CPLX1: variants seen among roughly 807,000 people sequenced by gnomAD.
CPLX1 encodes the protein complexin-1.
A neutral mutation model predicts 15.6 loss-of-function variants in CPLX1; 6 were observed. The ratio of observed to expected loss-of-function variants is 0.39; its 90% CI spans 0.21 to 0.76. The LOEUF is 0.76. Among genes scored for constraint, CPLX1 ranks in the 30% least tolerant of loss-of-function variants. CPLX1 has a pLI of 0.43. For synonymous variants in CPLX1, 91 were observed against 75.2 expected, an observed-to-expected ratio of 1.21 and a Z score of -1.08; for missense variants, 242 against 188.6, an observed-to-expected ratio of 1.28 and a Z score of -1.66.
At chr4:797,655 C>T (rs935874539) in intron 2 of CPLX1, among the ~76,000 whole-genome samples, 5 of 143,380 alleles carry the variant, frequency 3.5e-5, no homozygotes, top group Non-Finnish European at 6.1e-5. Flanking sequence ...TACTGTAGGC[C>T]GGGCGCGGTG....
intron 3 of CPLX1, chr4:788,551 C>G: frequency 6.1e-6 from 6 of 985,508 alleles, no homozygotes; most frequent in Non-Finnish European, 7.2e-6. Context: ...CTCCGCACAA[C>G]AGGGGCGACA....
intron 2 of CPLX1, among the ~76,000 whole-genome samples, chr4:808,889 T>C (rs1368677971): frequency 6.6e-6 from 1 of 152,242 alleles, no homozygotes; most frequent in African/African-American, 2.4e-5. Context: ...TCCAATGATA[T>C]TTAGAATGTT....
intron 2 of CPLX1, among the ~76,000 whole-genome samples, chr4:800,526 GTATA>G (rs1746429799): frequency 7.4e-6 from 1 of 134,958 alleles, no homozygotes; most frequent in Non-Finnish European, 1.5e-5. Context: ...ACATATATGT[GTATA>G]TACATACACA....
chr4:815,162 G>A (rs1746728375), intron 2 of CPLX1, among the ~76,000 whole-genome samples: 1 of 152,224 alleles, frequency 6.6e-6, no homozygotes. Context: ...TGTAATCCCA[G>A]CACTTTGGGA....
At position 787,807 on chromosome 4, in the gene CPLX1, G is replaced by A. The variant is rs143189417; in HGVS notation, c.208-1109C>T. ...GCCCTCCCGTGAGCCACCAGCCCAGGAAGCCTGTGGTCATGGTCAGGCCAC... is the reference window on the plus strand; with the variant it reads ...GCCCTCCCGTGAGCCACCAGCCCAGAAAGCCTGTGGTCATGGTCAGGCCAC... On this transcript the variant is annotated intron_variant, in intron 3 of 3. Coordinates refer to ENST00000304062, the MANE Select transcript of CPLX1 (RefSeq NM_006651.4). 347 of 985,372 alleles carry A rather than the reference G, an allele frequency of 3.5e-4. 1 individual carries two copies. The African/African-American group carries it at 5.3e-3, about 15-fold the overall frequency. 61.0% of individuals were successfully genotyped at this position (985,372 alleles called of 1,614,324 possible). A position where few individuals can be genotyped will look rare whatever the true frequency, so the allele number is the denominator to read the frequency against.
intron 2 of CPLX1, among the ~76,000 whole-genome samples, chr4:822,699 T>A (rs989610868): frequency 1.3e-5 from 2 of 152,200 alleles, no homozygotes; most frequent in Admixed American, 6.5e-5. Context: ...TGTCGTGCTG[T>A]CTGGAGGTTC....
At chr4:788,084 C>A (rs1577467060) in intron 3 of CPLX1, 1 of 985,424 alleles carries the variant, frequency 1.0e-6, no homozygotes, top group Admixed American at 6.1e-5. Flanking sequence ...GAGGAGCACA[C>A]CGCGGGATCA....
In CPLX1 at chr4:797,486, CCTAA is replaced by C. The variant is rs374055094; in HGVS notation, c.32-4882_32-4879del. Reference sequence around the variant, plus strand: ...AGGATTACAGGCGTCTGCCACCATGCCTAACTAATATTTGTATTTTTAATAGAGA... The same window carrying C: ...AGGATTACAGGCGTCTGCCACCATGCCTAATATTTGTATTTTTAATAGAGA... On this transcript the variant is annotated intron_variant, in intron 2 of 3. Coordinates refer to ENST00000304062, the MANE Select transcript of CPLX1 (RefSeq NM_006651.4). Among the ~76,000 whole-genome samples, 45 of 152,286 alleles carry C rather than the reference CCTAA, an allele frequency of 3.0e-4. 1 individual carries two copies. Among genetic ancestry groups the C allele is most frequent in the South Asian group, 2.7e-3 (13 of 4,832 alleles).
Position 786,233 on chromosome 4 carries a change from G to A in CPLX1, c.*268C>T, listed in dbSNP as rs1745981946. The A allele has an allele frequency of 3.3e-6, 1 of 302,462 alleles. No homozygotes were observed. The allele number at this position is 302,462 out of a possible 1,614,324, so 18.7% of individuals were successfully genotyped here. A position where few individuals can be genotyped will look rare whatever the true frequency, so the allele number is the denominator to read the frequency against. On this transcript the variant is annotated 3_prime_UTR_variant, in exon 4 of 4. Transcript: ENST00000304062. ...GCGGCCCTGGCCTCGGGCGCTGCTG[G>A]GTGGGCGGTAAACAGCAAGAGAAAG...
intron 3 of CPLX1, among the ~76,000 whole-genome samples, chr4:789,006 A>G (rs529475891): frequency 2.0e-5 from 3 of 152,326 alleles, no homozygotes; most frequent in African/African-American, 4.8e-5. Context: ...GGGCCCAGGA[A>G]GGAGACCCCA....
intron 2 of CPLX1, among the ~76,000 whole-genome samples, chr4:811,007 C>T (rs1372866303): frequency 6.6e-6 from 1 of 150,880 alleles, no homozygotes; most frequent in Admixed American, 6.6e-5. Context: ...TCTAATTTCC[C>T]TTTTTTATAA....
At chr4:797,002 G>T (rs2152644429) in intron 2 of CPLX1, among the ~76,000 whole-genome samples, 1 of 152,318 alleles carries the variant, frequency 6.6e-6, no homozygotes, top group Middle Eastern at 3.4e-3. Flanking sequence ...TGGAGGCTCA[G>T]GACCCTGGAG....
intron 2 of CPLX1, among the ~76,000 whole-genome samples, chr4:823,027 A>C (rs1053701458): frequency 1.3e-5 from 2 of 152,196 alleles, no homozygotes; most frequent in African/African-American, 4.8e-5. Context: ...CCATGAAACA[A>C]AAAGGGAATT....
At chr4:795,252 C>T (rs1224141576) in intron 2 of CPLX1, among the ~76,000 whole-genome samples, 1 of 152,260 alleles carries the variant, frequency 6.6e-6, no homozygotes, top group Non-Finnish European at 1.5e-5. Context: ...CACAGAAACC[C>T]AAAGTGCCAT....
At chr4:787,683 T>C (rs1376239360) in intron 3 of CPLX1, 1 of 984,744 alleles carries the variant, frequency 1.0e-6, no homozygotes, top group Non-Finnish European at 1.2e-6. Context: ...AGAGGGAGTG[T>C]GGGATTTTGT....
intron 1 of CPLX1, among the ~76,000 whole-genome samples, chr4:825,461 A>G (rs922582827): frequency 2.7e-5 from 4 of 150,214 alleles, no homozygotes; most frequent in East Asian, 2.0e-4. Flanking sequence ...TCTCCTCCAA[A>G]CTTCTCCCCT....
intron 2 of CPLX1, among the ~76,000 whole-genome samples, chr4:821,677 G>C (rs554468569): frequency 6.6e-6 from 1 of 152,182 alleles, no homozygotes; most frequent in Non-Finnish European, 1.5e-5. Context: ...CCGGACCCAC[G>C]TGTTGTGGGG....
chr4:801,947 T>G (rs1377885212), intron 2 of CPLX1, among the ~76,000 whole-genome samples: 1 of 152,208 alleles, frequency 6.6e-6, no homozygotes, highest in African/African-American at 2.4e-5. Context: ...GGAACACTCA[T>G]GCATACTTGT....
intron 2 of CPLX1, among the ~76,000 whole-genome samples, chr4:794,729 C>T (rs1458259661): frequency 6.6e-6 from 1 of 152,200 alleles, no homozygotes; most frequent in Non-Finnish European, 1.5e-5. Flanking sequence ...AAAGGACTGG[C>T]GTCTATAAGG....
Sources: gnomAD v4.1 joint callset for allele counts (sites outside exome capture counted in the v4.1 genomes callset) on GRCh38, gnomAD v4.1.1 for gene constraint, MANE v1.5 for transcripts, NCBI Gene and HGNC (gene_info 2026-07-23, HGNC 2026-07-21) for gene names.